Variants in EIF4G3 observed in about 807,000 individuals in gnomAD.
The protein encoded by EIF4G3 is eukaryotic translation initiation factor 4 gamma 3.
EIF4G3 carries 34 observed loss-of-function variants against 186.4 expected under a neutral mutation model. That is an observed-to-expected ratio of 0.18 (90% CI 0.14 to 0.24). EIF4G3 has a LOEUF of 0.24. Among genes scored for constraint, EIF4G3 ranks in the 10% least tolerant of loss-of-function variants. The pLI is 1.00. For synonymous variants in EIF4G3, 673 were observed against 679.5 expected (o/e 0.99, Z 0.15); for missense variants, 1,536 against 1,948.5 (o/e 0.79, Z 3.99).
At chr1:20,878,780 CCT>C (rs1183085941) in intron 20 of EIF4G3, among the ~76,000 whole-genome samples, 1 of 152,130 alleles carries the variant, frequency 6.6e-6, no homozygotes, top group Admixed American at 6.6e-5. Context: ...CTTTGGTCTC[CCT>C]CTCTGTCTTG....
chr1:21,029,184 A>C (rs909474780), intron 4 of EIF4G3, among the ~76,000 whole-genome samples: 8 of 151,730 alleles, frequency 5.3e-5, no homozygotes, highest in Non-Finnish European at 1.0e-4. Context: ...CACCCAGCTA[A>C]TGTTTTATAT....
intron 14 of EIF4G3, among the ~76,000 whole-genome samples, chr1:20,938,684 GACC>G (rs1196459276): frequency 1.3e-5 from 2 of 152,200 alleles, no homozygotes; most frequent in Non-Finnish European, 2.9e-5. Flanking sequence ...TTAAGCATAT[GACC>G]ACGTCAGGTG....
chr1:21,087,618 C>T (rs986056065), intron 3 of EIF4G3, among the ~76,000 whole-genome samples: 1 of 150,280 alleles, frequency 6.7e-6, no homozygotes, highest in Non-Finnish European at 1.5e-5. Context: ...CATCATAAAA[C>T]CTTGCCTCTA....
At chr1:21,007,908 C>G (rs1328688552) in intron 4 of EIF4G3, among the ~76,000 whole-genome samples, 1 of 152,096 alleles carries the variant, frequency 6.6e-6, no homozygotes, top group African/African-American at 2.4e-5. Context: ...TATGTTTTTA[C>G]TTTCCAATGT....
chr1:21,151,542 T>C (rs574499443), intron 2 of EIF4G3, among the ~76,000 whole-genome samples: 1 of 152,012 alleles, frequency 6.6e-6, no homozygotes, highest in Non-Finnish European at 1.5e-5. Context: ...CCAGCTTTAA[T>C]GGTTATATAG....
Position 21,176,761 on chromosome 1 carries a change from C to G in EIF4G3, c.-495G>C. The G allele has an allele frequency of 1.4e-6, 1 of 699,322 alleles. No individual in the cohort carries two copies. Among genetic ancestry groups the G allele is most frequent in the South Asian group, 1.5e-5 (1 of 67,552 alleles). 43.3% of individuals were successfully genotyped at this position (699,322 alleles called of 1,614,324 possible). On this transcript the variant is annotated 5_prime_UTR_variant, in exon 1 of 37. Transcript: ENST00000602326. ...TCCTCATGGGCCGGCGGCGGGGGAT[C>G]TTTATCCCCCTCCCCGGAGGAAGCG...
chr1:20,853,284 T>G (rs1389120464), intron 27 of EIF4G3, among the ~76,000 whole-genome samples: 1 of 152,212 alleles, frequency 6.6e-6, no homozygotes, highest in Non-Finnish European at 1.5e-5. Context: ...CTAGAACATC[T>G]GGAGGATTAG....
intron 14 of EIF4G3, among the ~76,000 whole-genome samples, chr1:20,915,226 T>C (rs2093725087): frequency 6.6e-6 from 1 of 152,204 alleles, no homozygotes; most frequent in South Asian, 2.1e-4. Flanking sequence ...CTGGAGGCTC[T>C]GTGGAAGAAT....
intron 3 of EIF4G3, among the ~76,000 whole-genome samples, chr1:21,068,284 G>A (rs947796634): frequency 2.7e-5 from 4 of 149,188 alleles, no homozygotes; most frequent in East Asian, 4.0e-4. Context: ...CATGAGTATC[G>A]CTTGAACCTA....
At chr1:21,113,392 G>T (rs1211106555) in intron 2 of EIF4G3, among the ~76,000 whole-genome samples, 1 of 151,762 alleles carries the variant, frequency 6.6e-6, no homozygotes, top group Non-Finnish European at 1.5e-5. Context: ...TCTGTTACAT[G>T]TTATTTTGAA....
chr1:20,889,785 C>A (rs544422128), intron 18 of EIF4G3, among the ~76,000 whole-genome samples: 1 of 151,990 alleles, frequency 6.6e-6, no homozygotes, highest in Non-Finnish European at 1.5e-5. Flanking sequence ...CCACCACGCC[C>A]GGCCCATAAT....
rs2093945414 is a variant in EIF4G3 at position 20,916,967 on chromosome 1, A to C, written c.1664-11996T>G. Among the ~76,000 whole-genome samples, 4 of 152,356 alleles carry C rather than the reference A, an allele frequency of 2.6e-5. No individual in the cohort carries two copies. The South Asian group carries it at 8.3e-4, about 32-fold the overall frequency. ...TAAAAATTAATATACACCTATATAT[A>C]ACCCTGCCATTTCATCTATACATAT... On this transcript the variant is annotated intron_variant, in intron 14 of 36. Coordinates refer to ENST00000602326, the MANE Select transcript of EIF4G3 (RefSeq NM_001391906.1).
chr1:21,048,651 G>A (rs2094030726), intron 4 of EIF4G3, among the ~76,000 whole-genome samples: 1 of 152,134 alleles, frequency 6.6e-6, no homozygotes, highest in African/African-American at 2.4e-5. Flanking sequence ...ACGCAGCACA[G>A]TGGCTTTTCT....
At chr1:20,926,328 A>C (rs1224398595) in intron 14 of EIF4G3, among the ~76,000 whole-genome samples, 1 of 152,232 alleles carries the variant, frequency 6.6e-6, no homozygotes, top group Non-Finnish European at 1.5e-5. Context: ...TGAGGGTTAA[A>C]GAACTGACCA....
chr1:21,009,655 T>C (rs1297611220), intron 4 of EIF4G3, among the ~76,000 whole-genome samples: 1 of 121,504 alleles, frequency 8.2e-6, no homozygotes, highest in Non-Finnish European at 1.7e-5. Flanking sequence ...TTTTGGGGGG[T>C]GCTGGGGGGG....
chr1:20,824,042 A>G (rs1347796423), intron 33 of EIF4G3, among the ~76,000 whole-genome samples: 1 of 152,232 alleles, frequency 6.6e-6, no homozygotes, highest in Non-Finnish European at 1.5e-5. Context: ...CATTTGTAAT[A>G]GTATCTTCCC....
chr1:21,080,149 T>TAA (rs771183192), intron 3 of EIF4G3, among the ~76,000 whole-genome samples: 2 of 130,132 alleles, frequency 1.5e-5, no homozygotes, highest in Admixed American at 7.8e-5. Flanking sequence ...AGACTCCAAC[T>TAA]AAAAAAAAAA....
chr1:21,115,736 GA>G (rs1204202364), intron 2 of EIF4G3, among the ~76,000 whole-genome samples: 1 of 152,040 alleles, frequency 6.6e-6, no homozygotes, highest in Non-Finnish European at 1.5e-5. Flanking sequence ...TGTTTTTAAA[GA>G]AACAGAGTCT....
rs568500083 is a variant in EIF4G3 at position 20,985,138 on chromosome 1, G to A, written c.178-2730C>T. ...CAGAAATCTTTTCTTTACAAACACT[G>A]AAAGGATGTAGCAGGATCTTTATCC... On this transcript the variant is annotated intron_variant, in intron 7 of 36. Transcript: ENST00000602326. Among the ~76,000 whole-genome samples, 26 of 152,252 alleles carry A rather than the reference G, an allele frequency of 1.7e-4. No homozygotes were observed. In the South Asian group the frequency reaches 5.4e-3, roughly 32 times the overall value.
Sources: allele counts gnomAD v4.1 joint callset (sites outside exome capture counted in the v4.1 genomes callset), GRCh38; gene constraint gnomAD v4.1.1; transcripts MANE v1.5; gene names NCBI Gene and HGNC (gene_info 2026-07-23, HGNC 2026-07-21).